Variants in TJP1 observed in about 807,000 individuals in gnomAD.
The protein encoded by TJP1 is tight junction protein 1, also known as tight junction protein ZO-1.
TJP1 carries 43 observed loss-of-function variants against 194.2 expected under a neutral mutation model. That is an observed-to-expected ratio of 0.22 (90% CI 0.17 to 0.29). TJP1 has a LOEUF of 0.29. Ranked by LOEUF, TJP1 falls within the 10% of genes least tolerant of loss-of-function variation. The pLI, the probability that TJP1 is intolerant of heterozygous loss-of-function variation, is 1.00. For synonymous variants in TJP1, 801 were observed against 779.0 expected (o/e 1.03, Z -0.47); for missense variants, 1,971 against 2,185.7 (o/e 0.90, Z 1.96).
intron 2 of TJP1, among the ~76,000 whole-genome samples, chr15:29,887,140 C>T (rs1423549122): frequency 6.6e-6 from 1 of 151,794 alleles, no homozygotes; most frequent in East Asian, 1.9e-4. Flanking sequence ...CACTAGGTAA[C>T]AATTCAGACC....
upstream of TJP1, chr15:29,824,101 AAAAAAAAAAAAAAAAATG>A (rs2050593510): frequency 7.1e-6 from 1 of 140,660 alleles, no homozygotes; most frequent in Non-Finnish European, 1.5e-5. Flanking sequence ...AAAAAAAAAA[AAAAAAAAAAAAAAAAATG>A]GTGGCCAGGC....
chr15:29,822,720 A>T (rs1032320873), upstream of TJP1: 2 of 156,184 alleles, frequency 1.3e-5, no homozygotes, highest in Non-Finnish European at 2.8e-5. Context: ...GCCCCCAAGG[A>T]GAAAGCGCCT....
intron 2 of TJP1, among the ~76,000 whole-genome samples, chr15:29,877,137 A>G (rs1345617626): frequency 1.3e-5 from 2 of 152,244 alleles, no homozygotes; most frequent in Non-Finnish European, 2.9e-5. Context: ...TGTTCTTATA[A>G]TTTCATGTAA....
chr15:29,714,634 G>A lies in TJP1; in HGVS notation c.4202+1977C>T, dbSNP rs145137971. ...CGGCTCACTGCAAGCTCTGTCTCCC[G>A]GGTTCACGCCATTCTCCTGCCTCAG... On this transcript the variant is annotated intron_variant, in intron 23 of 27. Coordinates refer to ENST00000614355, the MANE Select transcript of TJP1 (RefSeq NM_001330239.4). 6.0e-3 allele frequency among the ~76,000 whole-genome samples: 867 copies of A among 145,030 alleles called. 9 individuals carry two copies. The highest frequency in any genetic ancestry group is 0.021 in the African/African-American group (826 of 39,066).
At chr15:29,911,908 A>G (rs2054026513) in intron 2 of TJP1, among the ~76,000 whole-genome samples, 1 of 152,220 alleles carries the variant, frequency 6.6e-6, no homozygotes, top group Non-Finnish European at 1.5e-5. Flanking sequence ...GATATAGAAA[A>G]ATAAGGCATG....
chr15:29,745,711 G>A (rs951673852), intron 8 of TJP1, among the ~76,000 whole-genome samples: 6 of 152,164 alleles, frequency 3.9e-5, no homozygotes, highest in East Asian at 1.9e-4. Flanking sequence ...AATCAGGTAC[G>A]AAGGTGCTTA....
At chr15:29,710,082 G>A (rs2042143826) in intron 24 of TJP1, among the ~76,000 whole-genome samples, 1 of 152,074 alleles carries the variant, frequency 6.6e-6, no homozygotes, top group Admixed American at 6.6e-5. Context: ...AGAGGCAGAG[G>A]TTGCAGTGAG....
chr15:29,861,522 C>T (rs2052080745), intron 2 of TJP1, among the ~76,000 whole-genome samples: 1 of 152,152 alleles, frequency 6.6e-6, no homozygotes, highest in Admixed American at 6.5e-5. Flanking sequence ...TAGTGGAACG[C>T]TAGGCATAAA....
chr15:29,934,212 A>G (rs1266089058), intron 2 of TJP1, among the ~76,000 whole-genome samples: 1 of 152,152 alleles, frequency 6.6e-6, no homozygotes, highest in Admixed American at 6.6e-5. Context: ...ATTTGTTTTG[A>G]TATTATTTTT....
At chr15:29,738,840 C>G (rs2044202790) in intron 10 of TJP1, among the ~76,000 whole-genome samples, 1 of 106,618 alleles carries the variant, frequency 9.4e-6, no homozygotes, top group South Asian at 3.5e-4. Flanking sequence ...CAGCCCTGAT[C>G]AACACAGCAA....
intron 1 of TJP1, among the ~76,000 whole-genome samples, chr15:29,819,940 T>C (rs1243688716): frequency 2.0e-5 from 3 of 152,188 alleles, no homozygotes; most frequent in Non-Finnish European, 4.4e-5. Context: ...CAGTAATATA[T>C]GTGTACAGAT....
At chr15:29,839,743 T>G (rs982311842) in intron 2 of TJP1, among the ~76,000 whole-genome samples, 3 of 152,230 alleles carry the variant, frequency 2.0e-5, no homozygotes, top group Non-Finnish European at 4.4e-5. Flanking sequence ...AACTCTTCAT[T>G]TCTCTGGAAT....
At chr15:29,759,161 A>G (rs2045838118) in intron 8 of TJP1, 2 of 152,180 alleles carry the variant, frequency 1.3e-5, no homozygotes, top group Non-Finnish European at 2.9e-5. Flanking sequence ...ACCTTCCTAA[A>G]AGAACGTGCT....
chr15:29,962,540 C>A (rs1401614306), intron 1 of TJP1, among the ~76,000 whole-genome samples: 1 of 152,150 alleles, frequency 6.6e-6, no homozygotes. Context: ...ACAGCCACAG[C>A]CAACTCAAGA....
intron 1 of TJP1, among the ~76,000 whole-genome samples, chr15:29,820,873 A>T (rs187778607): frequency 6.6e-6 from 1 of 152,336 alleles, no homozygotes; most frequent in Admixed American, 6.5e-5. Flanking sequence ...TTCATTAATA[A>T]GTGTAACCGC....
chr15:29,738,238 C>T (rs1256150528), intron 10 of TJP1, among the ~76,000 whole-genome samples: 1 of 152,118 alleles, frequency 6.6e-6, no homozygotes, highest in East Asian at 1.9e-4. Flanking sequence ...TAAGTACTCT[C>T]ACATTCCTAG....
chr15:29,945,076 C>T (rs1302623340), intron 2 of TJP1, among the ~76,000 whole-genome samples: 4 of 152,166 alleles, frequency 2.6e-5, no homozygotes, highest in South Asian at 2.1e-4. Context: ...CTCCCACATA[C>T]TTGTACACTT....
intron 2 of TJP1, among the ~76,000 whole-genome samples, chr15:29,897,115 C>G (rs1470357565): frequency 2.0e-5 from 3 of 152,224 alleles, no homozygotes; most frequent in African/African-American, 7.2e-5. Flanking sequence ...GCAGTGCCCC[C>G]TCCCTGCCCA....
chr15:29,884,328 T>C (rs898944343), intron 2 of TJP1, among the ~76,000 whole-genome samples: 2 of 152,196 alleles, frequency 1.3e-5, no homozygotes, highest in African/African-American at 2.4e-5. Context: ...GTATATTGAA[T>C]GTGCAGGCTG....
Sources: gnomAD v4.1 joint callset for allele counts (sites outside exome capture counted in the v4.1 genomes callset) on GRCh38, gnomAD v4.1.1 for gene constraint, MANE v1.5 for transcripts, NCBI Gene and HGNC (gene_info 2026-07-23, HGNC 2026-07-21) for gene names.